Variants in TMC1 observed in about 807,000 individuals in gnomAD.
The protein encoded by TMC1 is transmembrane channel like 1.
Under a neutral mutation model 105.8 loss-of-function variants are expected in TMC1, and 84 were observed. That is an observed-to-expected ratio of 0.79 (90% CI 0.67 to 0.95). The LOEUF is 0.95. Among genes scored for constraint, TMC1 ranks in the 40% least tolerant of loss-of-function variants. TMC1 has a pLI of 0.00. For missense variants in TMC1, 817 were observed against 914.1 expected, an observed-to-expected ratio of 0.89 and a Z score of 1.37; for synonymous variants, 315 against 311.5, an observed-to-expected ratio of 1.01 and a Z score of -0.12.
chr9:72,817,544 C>A (rs2118288737), intron 19 of TMC1, among the ~76,000 whole-genome samples: 1 of 152,278 alleles, frequency 6.6e-6, no homozygotes, highest in African/African-American at 2.4e-5. Context: ...TAATGAGAAA[C>A]CACTGTTCTA....
intron 8 of TMC1, among the ~76,000 whole-genome samples, chr9:72,709,622 C>T (rs1342884126): frequency 6.6e-6 from 1 of 152,094 alleles, no homozygotes; most frequent in Admixed American, 6.6e-5. Flanking sequence ...TTATTCATCT[C>T]TTCTAGGTTT....
chr9:72,687,645 A>G (rs1325304899), intron 5 of TMC1, among the ~76,000 whole-genome samples: 1 of 152,194 alleles, frequency 6.6e-6, no homozygotes, highest in Non-Finnish European at 1.5e-5. Context: ...TTTTACAATA[A>G]TATTCTTTGT....
chr9:72,641,276 T>A (rs909894537), intron 4 of TMC1, among the ~76,000 whole-genome samples: 3 of 151,986 alleles, frequency 2.0e-5, no homozygotes, highest in African/African-American at 7.2e-5. Context: ...GTATTTTTAG[T>A]AGAGATGGTG....
At chr9:72,726,201 T>C (rs1487620571) in intron 8 of TMC1, among the ~76,000 whole-genome samples, 1 of 152,206 alleles carries the variant, frequency 6.6e-6, no homozygotes, top group Non-Finnish European at 1.5e-5. Context: ...AATTTTTAAA[T>C]GGTATGAATC....
chr9:72,807,254 A>C (rs56012433), intron 18 of TMC1, among the ~76,000 whole-genome samples: 1,636 of 152,246 alleles, frequency 0.011, 20 homozygotes, highest in Non-Finnish European at 0.016. Flanking sequence ...AAAGAGAGGG[A>C]GAGGGAGACC....
At chr9:72,709,393 T>G (rs1826797150) in intron 8 of TMC1, among the ~76,000 whole-genome samples, 1 of 152,116 alleles carries the variant, frequency 6.6e-6, no homozygotes, top group South Asian at 2.1e-4. Flanking sequence ...ATTTAGGGAG[T>G]ACTCCCTCTT....
At chr9:72,753,638 C>A (rs1170120542) in intron 11 of TMC1, among the ~76,000 whole-genome samples, 1 of 152,078 alleles carries the variant, frequency 6.6e-6, no homozygotes, top group Non-Finnish European at 1.5e-5. Flanking sequence ...GCAATGATTA[C>A]CAACTCCAGC....
intron 2 of TMC1, among the ~76,000 whole-genome samples, chr9:72,613,484 T>G (rs1440720375): frequency 2.0e-5 from 3 of 152,162 alleles, no homozygotes; most frequent in Admixed American, 1.3e-4. Context: ...GTCATATTAA[T>G]CCTCCATAAC....
intron 10 of TMC1, among the ~76,000 whole-genome samples, 192 bp from the exon 11 acceptor site, chr9:72,751,658 A>G (rs1305237992): frequency 1.3e-5 from 2 of 152,196 alleles, no homozygotes; most frequent in Admixed American, 1.3e-4. Context: ...TCCACATGAC[A>G]GGGAATGCTT....
At chr9:72,646,597 T>C (rs1469122334) in intron 4 of TMC1, among the ~76,000 whole-genome samples, 3 of 149,136 alleles carry the variant, frequency 2.0e-5, no homozygotes, top group African/African-American at 7.8e-5. Flanking sequence ...GCTCATCTTA[T>C]TGGGTTATGG....
chr9:72,783,133 G>C (rs1417781596), intron 13 of TMC1, among the ~76,000 whole-genome samples: 3 of 152,118 alleles, frequency 2.0e-5, no homozygotes, highest in East Asian at 3.8e-4. Context: ...GGGCTCTCTA[G>C]AGAGACAGAA....
At chr9:72,763,780 AATT>A (rs915662726) in intron 12 of TMC1, among the ~76,000 whole-genome samples, 5 of 144,784 alleles carry the variant, frequency 3.5e-5, no homozygotes, top group African/African-American at 1.0e-4. Flanking sequence ...AGACTGCACT[AATT>A]ATTTTTTTTT....
At chr9:72,759,374 G>A (rs924089293) in intron 12 of TMC1, among the ~76,000 whole-genome samples, 4 of 152,128 alleles carry the variant, frequency 2.6e-5, no homozygotes, top group South Asian at 2.1e-4. Flanking sequence ...CCCAAGTCCC[G>A]TCTCCAGCAT....
chr9:72,754,886 T>C lies in TMC1; in HGVS notation c.741+2T>C. On this transcript the variant is annotated splice_donor_variant, in intron 12 of 23. Coordinates refer to ENST00000297784, the MANE Select transcript of TMC1 (RefSeq NM_138691.3). LOFTEE classifies it high-confidence loss of function. Reference sequence around the variant, plus strand: ...TTTGGTGTGTTGTACGACTTCAATGTAAGTGTCTCCACACAAGTGTATTGG... The same window carrying C: ...TTTGGTGTGTTGTACGACTTCAATGCAAGTGTCTCCACACAAGTGTATTGG... 5 of 1,609,122 alleles carry C rather than the reference T, an allele frequency of 3.1e-6. No individual in the cohort carries two copies. The highest frequency in any genetic ancestry group is 3.4e-6 in the Non-Finnish European group (4 of 1,175,408).
chr9:72,669,002 T>C (rs982721120), intron 5 of TMC1, among the ~76,000 whole-genome samples: 2 of 152,164 alleles, frequency 1.3e-5, no homozygotes, highest in Admixed American at 1.3e-4. Flanking sequence ...AACACAATTT[T>C]GCCCTTTTAA....
intron 23 of TMC1, among the ~76,000 whole-genome samples, chr9:72,834,645 G>T (rs1042829550): frequency 3.3e-5 from 5 of 152,110 alleles, no homozygotes; most frequent in African/African-American, 2.4e-5. Flanking sequence ...ACCTACAAAT[G>T]CTCACTTAGC....
chr9:72,821,323 G>A (rs564033059), intron 20 of TMC1, among the ~76,000 whole-genome samples: 10 of 151,810 alleles, frequency 6.6e-5, no homozygotes, highest in Admixed American at 4.6e-4. Flanking sequence ...GTGAAACCTC[G>A]TCTCTACTAA....
intron 1 of TMC1, among the ~76,000 whole-genome samples, chr9:72,549,221 C>T (rs957208861): frequency 2.6e-5 from 4 of 152,120 alleles, no homozygotes; most frequent in Admixed American, 6.6e-5. Context: ...CATTATATTT[C>T]ATTAAATAAT....
intron 8 of TMC1, among the ~76,000 whole-genome samples, chr9:72,729,012 T>A (rs1026888523): frequency 2.6e-5 from 4 of 152,108 alleles, no homozygotes; most frequent in African/African-American, 9.7e-5. Context: ...ATTTGACATT[T>A]AAGCCAGCCA....
Sources: allele counts gnomAD v4.1 joint callset (sites outside exome capture counted in the v4.1 genomes callset), GRCh38; gene constraint gnomAD v4.1.1; transcripts MANE v1.5; gene names NCBI Gene and HGNC (gene_info 2026-07-23, HGNC 2026-07-21).